MAP3K9: variants seen among roughly 807,000 people sequenced by gnomAD.
MAP3K9 encodes the protein mitogen-activated protein kinase kinase kinase 9, also known as mixed lineage kinase 1 (tyr and ser/thr specificity).
In MAP3K9, 46 loss-of-function variants were observed where a neutral mutation model predicts 95.8. That is an observed-to-expected ratio of 0.48 (90% CI 0.38 to 0.61). The LOEUF (loss-of-function observed/expected upper bound fraction) is 0.61, where lower values mean the gene tolerates loss of function less well. MAP3K9 is among the 20% of genes least tolerant of loss of function. MAP3K9 has a pLI of 0.00. For synonymous variants in MAP3K9, 533 were observed against 593.8 expected, an observed-to-expected ratio of 0.90 and a Z score of 1.49; for missense variants, 1,296 against 1,474.3, an observed-to-expected ratio of 0.88 and a Z score of 1.98.
chr14:70,746,066 T>C (rs367680899), intron 5 of MAP3K9, among the ~76,000 whole-genome samples: 3 of 152,214 alleles, frequency 2.0e-5, no homozygotes, highest in Admixed American at 1.3e-4. Context: ...GAAAAATTCA[T>C]GGAAGATGCA....
At chr14:70,797,876 C>A (rs996953284) in intron 2 of MAP3K9, among the ~76,000 whole-genome samples, 13 of 152,164 alleles carry the variant, frequency 8.5e-5, no homozygotes, top group Non-Finnish European at 1.5e-4. Context: ...CAAAGTGCTA[C>A]CCCACCACAC....
intron 2 of MAP3K9, among the ~76,000 whole-genome samples, chr14:70,763,265 C>T (rs559554287): frequency 2.2e-4 from 34 of 152,280 alleles, no homozygotes; most frequent in Admixed American, 1.4e-3. Flanking sequence ...AGTCATGCAC[C>T]GCATAATGAC....
chr14:70,744,170 G>A (rs537172577), intron 5 of MAP3K9, among the ~76,000 whole-genome samples: 2 of 152,074 alleles, frequency 1.3e-5, no homozygotes, highest in Non-Finnish European at 2.9e-5. Flanking sequence ...ATGGACACAG[G>A]GAGGGGAACG....
intron 5 of MAP3K9, among the ~76,000 whole-genome samples, chr14:70,747,249 A>G (rs1174154835): frequency 2.0e-5 from 3 of 152,186 alleles, no homozygotes; most frequent in Admixed American, 2.0e-4. Flanking sequence ...GGAGGGACCA[A>G]GTGGAGATAA....
chr14:70,736,124 C>T lies in MAP3K9; in HGVS notation c.1845-95G>A, dbSNP rs562927436. 103 of 804,078 alleles carry T rather than the reference C, an allele frequency of 1.3e-4. No homozygotes were observed. In the African/African-American group the frequency reaches 1.5e-3, roughly 12 times the overall value. 49.8% of individuals were successfully genotyped at this position (804,078 alleles called of 1,614,324 possible). On this transcript the variant is annotated intron_variant, in intron 8 of 11. Transcript: ENST00000554752. ...AACACCCAAGGCTGGATTCACACCA[C>T]ATCGCCAGCTGCCTTCCCACTGTCC... is the stretch of plus-strand genomic sequence containing the variant.
At chr14:70,759,120 G>C (rs2054335779) in intron 3 of MAP3K9, among the ~76,000 whole-genome samples, 1 of 152,176 alleles carries the variant, frequency 6.6e-6, no homozygotes, top group Non-Finnish European at 1.5e-5. Context: ...ACTGATAATA[G>C]ACATGGAGCT....
At chr14:70,748,763 T>C in intron 5 of MAP3K9, 66 bp downstream of exon 5, 1 of 1,339,014 alleles carries the variant, frequency 7.5e-7, no homozygotes, top group Non-Finnish European at 1.0e-6. Flanking sequence ...GAGTGAGGTC[T>C]ACCAATTCAA....
At chr14:70,755,710 T>C (rs1409770355) in intron 3 of MAP3K9, among the ~76,000 whole-genome samples, 1 of 152,146 alleles carries the variant, frequency 6.6e-6, no homozygotes, top group Non-Finnish European at 1.5e-5. Context: ...GAAGAAGGAA[T>C]GAAAGGCCCA....
At chr14:70,754,386 C>G (rs1229054715) in intron 3 of MAP3K9, among the ~76,000 whole-genome samples, 1 of 152,142 alleles carries the variant, frequency 6.6e-6, no homozygotes, top group Non-Finnish European at 1.5e-5. Flanking sequence ...TACGCATTAT[C>G]TCTATAAGTG....
intron 2 of MAP3K9, among the ~76,000 whole-genome samples, chr14:70,765,978 T>C (rs1290165501): frequency 1.3e-5 from 2 of 151,738 alleles, no homozygotes; most frequent in Non-Finnish European, 2.9e-5. Context: ...AATGGGGGCC[T>C]GGCCAGGCAG....
intron 5 of MAP3K9, among the ~76,000 whole-genome samples, chr14:70,747,940 C>T (rs2054170688): frequency 6.6e-6 from 1 of 151,910 alleles, no homozygotes; most frequent in African/African-American, 2.4e-5. Flanking sequence ...AACCCCATCT[C>T]AACTAAAAAT....
chr14:70,779,866 T>C (rs1473622403), intron 2 of MAP3K9, among the ~76,000 whole-genome samples: 1 of 152,250 alleles, frequency 6.6e-6, no homozygotes, highest in Non-Finnish European at 1.5e-5. Flanking sequence ...TGCAATGCAC[T>C]TTGCAATGTC....
chr14:70,809,176 C>G lies in MAP3K9; in HGVS notation c.-5G>C. The G allele has an allele frequency of 7.5e-7, 1 of 1,337,894 alleles. No individual in the cohort carries two copies. The highest frequency in any genetic ancestry group is 9.5e-7 in the Non-Finnish European group (1 of 1,052,062). The allele number at this position is 1,337,894 out of a possible 1,614,324, so 82.9% of individuals were successfully genotyped here. ...AAGCGCTCTGGAGGGCTCCATGGAG[C>G]GGCCGATCCATAGGGTGCGGGGCCG... On this transcript the variant is annotated 5_prime_UTR_variant, in exon 1 of 12. Transcript: ENST00000554752.
intron 2 of MAP3K9, among the ~76,000 whole-genome samples, chr14:70,766,016 A>T (rs1197891026): frequency 6.6e-6 from 1 of 152,030 alleles, no homozygotes; most frequent in Non-Finnish European, 1.5e-5. Context: ...GATACATTGG[A>T]ACTAAAGACC....
At chr14:70,781,522 T>C (rs1167181684) in intron 2 of MAP3K9, among the ~76,000 whole-genome samples, 1 of 152,120 alleles carries the variant, frequency 6.6e-6, no homozygotes, top group South Asian at 2.1e-4. Context: ...TTGGGGTCGT[T>C]TGTTCTGAAG....
At chr14:70,777,776 G>A (rs560985679) in intron 2 of MAP3K9, among the ~76,000 whole-genome samples, 71 of 152,276 alleles carry the variant, frequency 4.7e-4, no homozygotes, top group African/African-American at 1.6e-3. Flanking sequence ...TCTCTGCGAA[G>A]AGACACCAGC....
intron 1 of MAP3K9, 77 bp from the exon 2 acceptor site, chr14:70,801,157 T>A: frequency 1.4e-6 from 2 of 1,379,322 alleles, no homozygotes; most frequent in Non-Finnish European, 2.0e-6. Flanking sequence ...TTTACCTGAG[T>A]GGGTAAACAC....
At chr14:70,765,844 A>G (rs1274007967) in intron 2 of MAP3K9, among the ~76,000 whole-genome samples, 1 of 151,888 alleles carries the variant, frequency 6.6e-6, no homozygotes, top group Admixed American at 6.6e-5. Context: ...GGTGTGTAGT[A>G]TAAGTACACT....
At chr14:70,776,827 C>T (rs969885202) in intron 2 of MAP3K9, among the ~76,000 whole-genome samples, 3 of 105,860 alleles carry the variant, frequency 2.8e-5, no homozygotes, top group East Asian at 2.6e-4. Context: ...ACTAAAAGAT[C>T]TCTCACTTTT....
Sources: allele counts gnomAD v4.1 joint callset (sites outside exome capture counted in the v4.1 genomes callset), GRCh38; gene constraint gnomAD v4.1.1; transcripts MANE v1.5; gene names NCBI Gene and HGNC (gene_info 2026-07-23, HGNC 2026-07-21).